ADCY2: variants seen among roughly 807,000 people sequenced by gnomAD.
ADCY2 encodes the protein adenylate cyclase 2.
ADCY2 carries 31 observed loss-of-function variants against 125.2 expected under a neutral mutation model. That is an observed-to-expected ratio of 0.25 (90% CI 0.19 to 0.33). The LOEUF is 0.33. ADCY2 is among the 10% of genes least tolerant of loss of function. The pLI is 1.00. For synonymous variants in ADCY2, 512 were observed against 548.4 expected (o/e 0.93, Z 0.93); for missense variants, 904 against 1,418.2 (o/e 0.64, Z 5.82).
At chr5:7,733,982 ATTCT>A (rs140060098) in intron 14 of ADCY2, among the ~76,000 whole-genome samples, 6,733 of 152,198 alleles carry the variant, frequency 0.044, 490 homozygotes, top group African/African-American at 0.15. Context: ...TCAACTTTTG[ATTCT>A]TTCTTTCTTC....
chr5:7,820,512 A>G, intron 23 of ADCY2, 53 bp from the exon 24 acceptor site: 3 of 1,602,150 alleles, frequency 1.9e-6, no homozygotes, highest in Non-Finnish European at 2.6e-6. Context: ...AAAAAAATAA[A>G]AAGACAATGG....
intron 5 of ADCY2, chr5:7,692,362 A>G (rs1408112345): frequency 6.6e-6 from 1 of 152,208 alleles, no homozygotes; most frequent in African/African-American, 2.4e-5. Flanking sequence ...GATATAGGAA[A>G]CTCATATCAG....
chr5:7,533,906 T>C (rs1734731939), intron 3 of ADCY2, among the ~76,000 whole-genome samples: 1 of 152,208 alleles, frequency 6.6e-6, no homozygotes, highest in African/African-American at 2.4e-5. Context: ...TTATTGTGTG[T>C]AAATCCCCAT....
At chr5:7,755,347 G>T (rs913913047) in intron 15 of ADCY2, among the ~76,000 whole-genome samples, 20 of 152,134 alleles carry the variant, frequency 1.3e-4, no homozygotes, top group Non-Finnish European at 7.4e-5. Flanking sequence ...CTCCCTCAGG[G>T]GGGCATGTGC....
At chr5:7,404,061 G>T (rs548500282) in intron 1 of ADCY2, among the ~76,000 whole-genome samples, 1 of 152,090 alleles carries the variant, frequency 6.6e-6, no homozygotes, top group Non-Finnish European at 1.5e-5. Flanking sequence ...TAGTAAGATT[G>T]TCTAGTATTT....
intron 4 of ADCY2, among the ~76,000 whole-genome samples, chr5:7,686,893 C>G (rs569279743): frequency 6.6e-6 from 1 of 152,152 alleles, no homozygotes; most frequent in East Asian, 1.9e-4. Context: ...TGAGCTCAGG[C>G]TTTTTTTGGA....
intron 20 of ADCY2, among the ~76,000 whole-genome samples, chr5:7,790,781 G>T (rs1169869684): frequency 1.3e-5 from 2 of 152,164 alleles, no homozygotes; most frequent in African/African-American, 2.4e-5. Flanking sequence ...GGGAAAGAGT[G>T]GACAGTAGGG....
chr5:7,500,704 G>A (rs1743528732), intron 2 of ADCY2, among the ~76,000 whole-genome samples: 3 of 152,130 alleles, frequency 2.0e-5, no homozygotes, highest in South Asian at 4.1e-4. Context: ...AGGACCAGGA[G>A]GATGATCCGG....
At chr5:7,457,136 T>G (rs921260396) in intron 2 of ADCY2, among the ~76,000 whole-genome samples, 1 of 152,180 alleles carries the variant, frequency 6.6e-6, no homozygotes, top group Non-Finnish European at 1.5e-5. Context: ...AATGTTGAAA[T>G]TTTTTACAGA....
chr5:7,743,540 C>CA, intron 14 of ADCY2, 128 bp from the exon 15 acceptor site: 1 of 816,574 alleles, frequency 1.2e-6, no homozygotes, highest in Non-Finnish European at 2.0e-6. Context: ...TTTTATTTCT[C>CA]AAAAATTTAG....
chr5:7,673,917 C>T (rs944454715), intron 4 of ADCY2, among the ~76,000 whole-genome samples: 10 of 152,138 alleles, frequency 6.6e-5, no homozygotes, highest in African/African-American at 2.2e-4. Flanking sequence ...TCCTACCCCC[C>T]GATAAACTTA....
At chr5:7,399,345 A>G (rs562259575) in intron 1 of ADCY2, among the ~76,000 whole-genome samples, 2 of 152,328 alleles carry the variant, frequency 1.3e-5, no homozygotes, top group East Asian at 1.9e-4. Flanking sequence ...TGCTGTATGT[A>G]ATTGCCTTTG....
Position 7,757,346 on chromosome 5 carries a change from GA to G in ADCY2, c.1957-101del, listed in dbSNP as rs1249035883. 18 of 1,426,356 alleles carry G rather than the reference GA, an allele frequency of 1.3e-5. No homozygotes were observed. In the African/African-American group the frequency reaches 2.0e-4, roughly 16 times the overall value. 88.4% of individuals were successfully genotyped at this position (1,426,356 alleles called of 1,614,324 possible). ...GATAGAATCTACATGTTTAGTCTAT[GA>G]ACAATGTTGGTGCTTCTTGTGGTTG... On this transcript the variant is annotated intron_variant, in intron 15 of 24. Coordinates refer to ENST00000338316, the MANE Select transcript of ADCY2 (RefSeq NM_020546.3).
intron 15 of ADCY2, among the ~76,000 whole-genome samples, chr5:7,747,112 G>A (rs542480600): frequency 3.9e-5 from 6 of 152,206 alleles, no homozygotes; most frequent in African/African-American, 7.2e-5. Flanking sequence ...CCCAGCCCTC[G>A]CCTCCATCGG....
At chr5:7,725,255 A>G (rs1408987730) in intron 13 of ADCY2, among the ~76,000 whole-genome samples, 1 of 152,126 alleles carries the variant, frequency 6.6e-6, no homozygotes, top group Non-Finnish European at 1.5e-5. Context: ...TTTTTTGTTG[A>G]TCTGGAGAAG....
At chr5:7,565,058 A>G (rs1161141121) in intron 3 of ADCY2, among the ~76,000 whole-genome samples, 1 of 152,226 alleles carries the variant, frequency 6.6e-6, no homozygotes, top group Non-Finnish European at 1.5e-5. Flanking sequence ...AAGCAGGTGG[A>G]TGTGAACTTG....
chr5:7,510,537 G>A (rs1210990926), intron 2 of ADCY2, among the ~76,000 whole-genome samples: 1 of 152,188 alleles, frequency 6.6e-6, no homozygotes, highest in African/African-American at 2.4e-5. Context: ...GTTCCCAGGT[G>A]TGGCTAGGCT....
chr5:7,562,521 G>T (rs1735736860), intron 3 of ADCY2, among the ~76,000 whole-genome samples: 1 of 152,050 alleles, frequency 6.6e-6, no homozygotes, highest in Non-Finnish European at 1.5e-5. Context: ...TTTCTGTGCT[G>T]AACAGGAAAT....
At chr5:7,401,614 T>C (rs1490132144) in intron 1 of ADCY2, among the ~76,000 whole-genome samples, 2 of 152,224 alleles carry the variant, frequency 1.3e-5, no homozygotes, top group Non-Finnish European at 2.9e-5. Context: ...CATTATTTAT[T>C]TTCATTATGC....
Sources: allele counts gnomAD v4.1 joint callset (sites outside exome capture counted in the v4.1 genomes callset), GRCh38; gene constraint gnomAD v4.1.1; transcripts MANE v1.5; gene names NCBI Gene and HGNC (gene_info 2026-07-23, HGNC 2026-07-21).